Variants in CABP2 observed in about 807,000 individuals in gnomAD.
CABP2 encodes calcium binding protein 2.
A neutral mutation model predicts 28.6 loss-of-function variants in CABP2; 25 were observed. The observed-to-expected ratio is 0.87, with a 90% CI of 0.64 to 1.22. The LOEUF is 1.22. Among genes scored for constraint, CABP2 ranks in the 50% most tolerant of loss-of-function variants. CABP2 has a pLI of 0.00. For missense variants in CABP2, 310 were observed against 312.2 expected (o/e 0.99, Z 0.05); for synonymous variants, 138 against 126.0 (o/e 1.09, Z -0.64).
chr11:67,520,887 G>T, intron 4 of CABP2, 138 bp downstream of exon 4: 2 of 883,194 alleles, frequency 2.3e-6, no homozygotes, highest in Non-Finnish European at 3.6e-6. Flanking sequence ...GAGGCAGAGA[G>T]CTTGCCTTGA....
intron 1 of CABP2, 86 bp from the exon 2 acceptor site, chr11:67,522,802 C>G: frequency 2.4e-6 from 3 of 1,276,322 alleles, no homozygotes; most frequent in Non-Finnish European, 1.0e-6. Flanking sequence ...CCAGCTGCTC[C>G]TGTCTTTGGA....
intron 3 of CABP2, 137 bp from the exon 4 acceptor site, chr11:67,521,296 G>T (rs550316806): frequency 2.4e-6 from 2 of 843,582 alleles, no homozygotes; most frequent in Admixed American, 2.7e-5. Flanking sequence ...GCCTTTGCAC[G>T]TGCTGTTCCT....
chr11:67,519,765 G>A (rs749948597), intron 6 of CABP2, 28 bp downstream of exon 6: 9 of 1,609,764 alleles, frequency 5.6e-6, no homozygotes, highest in South Asian at 2.2e-5. Flanking sequence ...CTTCCAGGGC[G>A]TGTGTTGCTA....
rs147530804 is a variant in CABP2, at chr11:67,521,014, G to A, written c.379+11C>T. On this transcript the variant is annotated intron_variant, in intron 4 of 6. Coordinates refer to ENST00000294288, the MANE Select transcript of CABP2 (RefSeq NM_016366.3). ...GAGGACTGGGGATGGGGATGGGTCC[G>A]AGGCACATACTGATTTGTTGTGAGA... 163 of 1,612,310 alleles carry A rather than the reference G, an allele frequency of 1.0e-4. 1 individual carries two copies. The African/African-American group carries it at 2.0e-3, about 20-fold the overall frequency.
Position 67,521,024 on chromosome 11 carries a change from C to T in CABP2, c.379+1G>A. 6.2e-7 allele frequency: 1 copy of T among 1,613,360 alleles called. No individual in the cohort carries two copies. ...GATGGGGATGGGTCCGAGGCACATA[C>T]TGATTTGTTGTGAGATCTCGATGAG... On this transcript the variant is annotated splice_donor_variant, in intron 4 of 6. Transcript: ENST00000294288. LOFTEE classifies it high-confidence loss of function.
chr11:67,523,113 G>C (rs1200663228), intron 1 of CABP2, among the ~76,000 whole-genome samples, 172 bp downstream of exon 1: 2 of 152,166 alleles, frequency 1.3e-5, no homozygotes, highest in African/African-American at 4.8e-5. Flanking sequence ...GAGGTCGGTG[G>C]GAGCCAAGAT....
chr11:67,521,167 G>A lies in CABP2; in HGVS notation c.245-8C>T, dbSNP rs2134361509. The A allele has an allele frequency of 2.5e-6, 4 of 1,610,754 alleles. No homozygotes were observed. Among genetic ancestry groups the A allele is most frequent in the East Asian group, 4.5e-5 (2 of 44,874 alleles). ...GGAAGGCGACCTGCAGCTCTGCCAG[G>A]CAGGGTGGGGTCAGTCCTTCCCCCA... On this transcript the variant is annotated splice_region_variant and splice_polypyrimidine_tract_variant and intron_variant, in intron 3 of 6. Coordinates refer to ENST00000294288, the MANE Select transcript of CABP2 (RefSeq NM_016366.3).
At chr11:67,522,137 C>T (rs960482031) in intron 2 of CABP2, among the ~76,000 whole-genome samples, 155 bp from the exon 3 acceptor site, 2 of 152,132 alleles carry the variant, frequency 1.3e-5, no homozygotes, top group Non-Finnish European at 2.9e-5. Context: ...CCCACCCCAT[C>T]CTACTCACTG....
chr11:67,522,306 A>C (rs540712728), intron 2 of CABP2, among the ~76,000 whole-genome samples: 5 of 152,026 alleles, frequency 3.3e-5, no homozygotes, highest in Admixed American at 6.5e-5. Flanking sequence ...CGCCAGCCTC[A>C]ATGTCACTGT....
intron 3 of CABP2, among the ~76,000 whole-genome samples, 183 bp downstream of exon 3, chr11:67,521,769 C>T (rs1866750181): frequency 6.6e-6 from 1 of 152,112 alleles, no homozygotes; most frequent in African/African-American, 2.4e-5. Flanking sequence ...GGGGGTCTGT[C>T]ATCCCCTCCC....
chr11:67,521,994 A>G lies in CABP2; in HGVS notation c.214-12T>C. ...CGCAGCTCCCGGTCCTGAAGGGCACAGAGGGGTTAGGAATTCCCTGCTCCT... is the reference window on the plus strand; with the variant it reads ...CGCAGCTCCCGGTCCTGAAGGGCACGGAGGGGTTAGGAATTCCCTGCTCCT... On this transcript the variant is annotated splice_polypyrimidine_tract_variant and intron_variant, in intron 2 of 6. Transcript: ENST00000294288. 6.2e-7 allele frequency: 1 copy of G among 1,611,434 alleles called. No individual in the cohort carries two copies. The highest frequency in any genetic ancestry group is 1.3e-5 in the African/African-American group (1 of 74,814).
Position 67,519,119 on chromosome 11 carries a change from C to T in CABP2, c.*20G>A. 1 of 1,613,864 alleles carries T rather than the reference C, an allele frequency of 6.2e-7. No homozygotes were observed. Among genetic ancestry groups the T allele is most frequent in the South Asian group, 1.1e-5 (1 of 91,076 alleles). ...TGTGGTCCTTGAGTCCTTTATGCTG[C>T]CTCCAGCTTCTGTACAGGCTCACCG... is the stretch of plus-strand genomic sequence containing the variant. On this transcript the variant is annotated 3_prime_UTR_variant, in exon 7 of 7. Coordinates refer to ENST00000294288, the MANE Select transcript of CABP2 (RefSeq NM_016366.3).
Position 67,519,815 on chromosome 11 carries a change from C to G in CABP2, c.615G>C (p.Gly205=). The change falls in exon 6 of 7, where the codon GGG becomes GGC. Residue 205 remains glycine (G), a synonymous_variant. Transcript: ENST00000294288. The part of the protein sequence containing the change: ...DEILQDVDLN[G]DGLVDFEEFV... The stretch of plus-strand genomic sequence containing the variant: ...TACCTTCGAAGTCGACCAGACCGTC[C>G]CCATTGAGGTCCACGTCCTGGAGGA... The G allele has an allele frequency of 5.6e-6, 9 of 1,614,044 alleles. No individual in the cohort carries two copies. Among genetic ancestry groups the G allele is most frequent in the Non-Finnish European group, 7.6e-6 (9 of 1,179,974 alleles).
At chr11:67,520,016 G>A (rs1261992947) in intron 5 of CABP2, 35 bp downstream of exon 5, 10 of 1,603,064 alleles carry the variant, frequency 6.2e-6, no homozygotes, top group African/African-American at 1.3e-5. Context: ...CGGCAGACAC[G>A]CAGCCCTGCC....
chr11:67,521,047 G>C lies in CABP2; in HGVS notation c.357C>G (p.Leu119=), dbSNP rs376870877. The C allele has an allele frequency of 6.2e-7, 1 of 1,614,024 alleles. No homozygotes were observed. The highest frequency in any genetic ancestry group is 8.5e-7 in the Non-Finnish European group (1 of 1,179,968). ...TLGYMPTEME[L]IEISQQISGG... is the part of the protein sequence containing the mutation. ...TACTGATTTGTTGTGAGATCTCGAT[G>C]AGCTCCATCTCGGTGGGCATGTAGC... Residue 119 remains leucine, a synonymous_variant, in exon 4 of 7, where the codon CTC becomes CTG. Coordinates refer to ENST00000294288, the MANE Select transcript of CABP2 (RefSeq NM_016366.3).
chr11:67,520,456 G>C (rs908832282), intron 4 of CABP2, among the ~76,000 whole-genome samples: 4 of 152,066 alleles, frequency 2.6e-5, no homozygotes, highest in Admixed American at 6.5e-5. Flanking sequence ...TCAGGAGTTC[G>C]AGACCAGCCT....
chr11:67,522,822 G>T, intron 1 of CABP2, 106 bp from the exon 2 acceptor site: 2 of 1,041,382 alleles, frequency 1.9e-6, no homozygotes, highest in Non-Finnish European at 2.7e-6. Flanking sequence ...AGCCCGGCAT[G>T]GGACAGTAGG....
intron 6 of CABP2, among the ~76,000 whole-genome samples, chr11:67,519,491 C>T (rs1009874398): frequency 1.3e-5 from 2 of 152,092 alleles, no homozygotes; most frequent in Non-Finnish European, 2.9e-5. Context: ...ATCATTTTAC[C>T]CCTTTATGGG....
chr11:67,523,035 G>T (rs759900098), intron 1 of CABP2, among the ~76,000 whole-genome samples: 22 of 152,230 alleles, frequency 1.4e-4, no homozygotes, highest in Non-Finnish European at 2.9e-4. Context: ...AGAGAGCGGG[G>T]ACCTGCAGCC....
Sources: gnomAD v4.1 joint callset for allele counts (sites outside exome capture counted in the v4.1 genomes callset) on GRCh38, gnomAD v4.1.1 for gene constraint, MANE v1.5 for transcripts, NCBI Gene and HGNC (gene_info 2026-07-23, HGNC 2026-07-21) for gene names.